CDC73: variants seen among roughly 807,000 people sequenced by gnomAD.
CDC73 encodes cell division cycle 73, also known as parafibromin.
Under a neutral mutation model 83.7 loss-of-function variants are expected in CDC73, and 21 were observed. The ratio of observed to expected loss-of-function variants is 0.25; its 90% CI spans 0.18 to 0.36. The LOEUF is 0.36. CDC73 is among the 10% of genes least tolerant of loss of function. The probability of loss-of-function intolerance (pLI) is 1.00; values close to 1 mark genes in which losing one functional copy is unlikely to be tolerated. For missense variants in CDC73, 342 were observed against 653.3 expected, an observed-to-expected ratio of 0.52 and a Z score of 5.19; for synonymous variants, 224 against 212.9, an observed-to-expected ratio of 1.05 and a Z score of -0.45.
intron 6 of CDC73, among the ~76,000 whole-genome samples, chr1:193,141,582 G>A (rs1675907330): frequency 6.6e-6 from 1 of 152,056 alleles, no homozygotes; most frequent in Non-Finnish European, 1.5e-5. Flanking sequence ...CTGCTTTTTT[G>A]TGGGGAAGAG....
chr1:193,203,536 ACTACT>A (rs2103177797), intron 10 of CDC73, among the ~76,000 whole-genome samples: 1 of 152,338 alleles, frequency 6.6e-6, no homozygotes, highest in African/African-American at 2.4e-5. Flanking sequence ...GCTTACAGTA[ACTACT>A]CTGTAGTAAC....
chr1:193,239,287 C>T (rs994254956), intron 15 of CDC73, among the ~76,000 whole-genome samples: 2 of 152,088 alleles, frequency 1.3e-5, no homozygotes, highest in Non-Finnish European at 2.9e-5. Context: ...ATTATCTTAG[C>T]TCTTGGTTGA....
At chr1:193,202,173 A>T (rs982382648) in intron 10 of CDC73, among the ~76,000 whole-genome samples, 1 of 149,818 alleles carries the variant, frequency 6.7e-6, no homozygotes, top group African/African-American at 2.4e-5. Flanking sequence ...CTTTTAATGG[A>T]TTCCTATTTA....
intron 7 of CDC73, among the ~76,000 whole-genome samples, chr1:193,145,529 A>G (rs145743098): frequency 1.3e-3 from 201 of 152,308 alleles, no homozygotes; most frequent in African/African-American, 4.5e-3. Context: ...CATTACTTTT[A>G]TGCATTTTGA....
At chr1:193,235,448 A>G (rs867900776) in intron 14 of CDC73, among the ~76,000 whole-genome samples, 3 of 152,242 alleles carry the variant, frequency 2.0e-5, no homozygotes, top group African/African-American at 7.2e-5. Flanking sequence ...TAAATGCTCA[A>G]TAAATGCTAC....
At chr1:193,205,776 G>C (rs1677179287) in intron 11 of CDC73, among the ~76,000 whole-genome samples, 1 of 152,100 alleles carries the variant, frequency 6.6e-6, no homozygotes, top group Non-Finnish European at 1.5e-5. Context: ...CAGAAACTAA[G>C]AGAAGCTAAA....
chr1:193,171,785 C>T (rs1034491046), intron 10 of CDC73, among the ~76,000 whole-genome samples: 10 of 152,142 alleles, frequency 6.6e-5, no homozygotes, highest in Admixed American at 2.6e-4. Context: ...GGGGCTAGGG[C>T]GAATGGAAAT....
intron 10 of CDC73, among the ~76,000 whole-genome samples, chr1:193,163,472 A>G (rs986355202): frequency 2.6e-5 from 4 of 151,962 alleles, no homozygotes; most frequent in Non-Finnish European, 5.9e-5. Context: ...GCGCCACCAC[A>G]CTCCAGCGTG....
intron 10 of CDC73, among the ~76,000 whole-genome samples, chr1:193,193,187 C>G (rs1206247170): frequency 6.6e-6 from 1 of 152,130 alleles, no homozygotes; most frequent in African/African-American, 2.4e-5. Context: ...TGTGCCCTGC[C>G]CCCAACTTCT....
At chr1:193,204,616 C>G (rs1677155995) in intron 11 of CDC73, among the ~76,000 whole-genome samples, 1 of 151,828 alleles carries the variant, frequency 6.6e-6, no homozygotes, top group Admixed American at 6.6e-5. Flanking sequence ...TAATGTTTTC[C>G]CCAATTTGAT....
chr1:193,188,781 T>A (rs964022733), intron 10 of CDC73, among the ~76,000 whole-genome samples: 1 of 152,078 alleles, frequency 6.6e-6, no homozygotes. Context: ...CAGTATCGGA[T>A]TGAGTCCCTG....
At chr1:193,153,005 G>C (rs1676145979) in intron 10 of CDC73, among the ~76,000 whole-genome samples, 1 of 151,930 alleles carries the variant, frequency 6.6e-6, no homozygotes. Flanking sequence ...TCCTGACCTC[G>C]TGATCGCCCG....
At position 193,212,066 on chromosome 1, in the gene CDC73, T is replaced by G. The variant is rs148612206; in HGVS notation, c.1032T>G (p.Val344=). 5.7e-4 allele frequency: 899 copies of G among 1,583,232 alleles called. 13 individuals carry two copies. The highest frequency in any genetic ancestry group is 9.7e-5 in the Non-Finnish European group (113 of 1,159,804). ...TGTGATTTTTTTTCTTTTTCACAGT[T>G]TCTCAAGCAAGACCTCCCCCAAATC... is the stretch of plus-strand genomic sequence containing the variant. ...TPAAQPVPRP[V]SQARPPPNQK... The change falls in exon 12 of 17, where the codon GTT becomes GTG. Residue 344 remains valine (V), a splice_region_variant and synonymous_variant. Transcript: ENST00000367435.
chr1:193,125,509 G>A (rs1675552265), intron 2 of CDC73, among the ~76,000 whole-genome samples: 1 of 152,084 alleles, frequency 6.6e-6, no homozygotes, highest in Non-Finnish European at 1.5e-5. Flanking sequence ...GGATCCTCCT[G>A]CCTCGGCCTC....
At chr1:193,236,668 G>A (rs902432958) in intron 15 of CDC73, 12 of 351,738 alleles carry the variant, frequency 3.4e-5, no homozygotes, top group Non-Finnish European at 5.5e-5. Flanking sequence ...GCTGAGGCAG[G>A]TGGATCACCT....
intron 15 of CDC73, among the ~76,000 whole-genome samples, chr1:193,243,244 T>G (rs370626006): frequency 2.6e-5 from 4 of 151,280 alleles, no homozygotes; most frequent in Non-Finnish European, 4.4e-5. Context: ...CCAGCTTACT[T>G]CTTGTTTTTA....
In CDC73 at chr1:193,198,585, AGT is replaced by A. The variant is rs549892164; in HGVS notation, c.973-5204_973-5203del. On this transcript the variant is annotated intron_variant, in intron 10 of 16. Coordinates refer to ENST00000367435, the MANE Select transcript of CDC73 (RefSeq NM_024529.5). ...TGTTTCTGTTATTTACAAATTGCCC[AGT>A]GTGTGGTATTTTGGTATAGTAGCAC... Among the ~76,000 whole-genome samples the A allele has an allele frequency of 3.0e-4, 46 of 152,358 alleles. 1 individual carries two copies. Among genetic ancestry groups the A allele is most frequent in the Admixed American group, 2.6e-3 (40 of 15,308 alleles).
intron 10 of CDC73, among the ~76,000 whole-genome samples, chr1:193,199,862 T>G (rs1055740854): frequency 6.6e-6 from 1 of 151,980 alleles, no homozygotes; most frequent in African/African-American, 2.4e-5. Flanking sequence ...TTTTAAAACA[T>G]ATGTGACTTT....
At chr1:193,229,670 A>G (rs1351499541) in intron 13 of CDC73, among the ~76,000 whole-genome samples, 1 of 152,184 alleles carries the variant, frequency 6.6e-6, no homozygotes, top group Non-Finnish European at 1.5e-5. Context: ...GACACACCGA[A>G]ATGTCCACTA....
Sources: gnomAD v4.1 joint callset for allele counts (sites outside exome capture counted in the v4.1 genomes callset) on GRCh38, gnomAD v4.1.1 for gene constraint, MANE v1.5 for transcripts, NCBI Gene and HGNC (gene_info 2026-07-23, HGNC 2026-07-21) for gene names.